RARB: variants seen among roughly 807,000 people sequenced by gnomAD.
RARB encodes the protein HBV-activated protein.
RARB carries 17 observed loss-of-function variants against 51.9 expected under a neutral mutation model. That is an observed-to-expected ratio of 0.33 (90% CI 0.22 to 0.49). The LOEUF is 0.49. Among genes scored for constraint, RARB ranks in the 20% least tolerant of loss-of-function variants. The probability of loss-of-function intolerance (pLI) is 0.99; values close to 1 mark genes in which losing one functional copy is unlikely to be tolerated. For missense variants in RARB, 369 were observed against 550.8 expected (o/e 0.67, Z 3.30); for synonymous variants, 215 against 195.4 (o/e 1.10, Z -0.84).
intron 5 of RARB, among the ~76,000 whole-genome samples, chr3:25,413,006 C>T (rs756931865): frequency 2.0e-5 from 3 of 148,584 alleles, no homozygotes; most frequent in Non-Finnish European, 3.0e-5. Flanking sequence ...GCAACAAGAG[C>T]AAAATTCCAT....
intron 1 of RARB, among the ~76,000 whole-genome samples, chr3:24,845,143 T>G (rs907466124): frequency 1.3e-5 from 2 of 152,192 alleles, no homozygotes; most frequent in Non-Finnish European, 2.9e-5. Context: ...CTAACCTAGG[T>G]GGAATCATTA....
intron 5 of RARB, among the ~76,000 whole-genome samples, chr3:25,398,741 A>G (rs1707183829): frequency 6.6e-6 from 1 of 152,218 alleles, no homozygotes; most frequent in Admixed American, 6.5e-5. Flanking sequence ...ACATTCTACC[A>G]TATTCCATTA....
At chr3:25,013,649 A>G (rs1218820563) in intron 2 of RARB, among the ~76,000 whole-genome samples, 1 of 152,036 alleles carries the variant, frequency 6.6e-6, no homozygotes, top group East Asian at 1.9e-4. Context: ...AGGATAGGAT[A>G]ATCAAGGACA....
At chr3:25,222,540 C>T (rs1701969626) in intron 5 of RARB, among the ~76,000 whole-genome samples, 1 of 151,652 alleles carries the variant, frequency 6.6e-6, no homozygotes, top group East Asian at 1.9e-4. Flanking sequence ...GATGCCACTC[C>T]AATAAATAGA....
intron 4 of RARB, among the ~76,000 whole-genome samples, chr3:25,149,823 G>A (rs11129188): frequency 0.6 from 90,765 of 152,070 alleles, 27,545 homozygotes; most frequent in East Asian, 0.73. Context: ...TACTCCTCAC[G>A]AGAGCAGAAG....
intron 1 of RARB, among the ~76,000 whole-genome samples, chr3:25,439,494 C>G (rs1256657971): frequency 1.3e-5 from 2 of 152,160 alleles, no homozygotes; most frequent in South Asian, 2.1e-4. Context: ...CAGCCTCAAC[C>G]TGCTGGGCTG....
chr3:25,374,941 CT>C (rs1186177140), intron 5 of RARB, among the ~76,000 whole-genome samples: 1 of 152,026 alleles, frequency 6.6e-6, no homozygotes, highest in Non-Finnish European at 1.5e-5. Context: ...TTTTTCCTTC[CT>C]TTTTTTCTTG....
chr3:24,964,231 T>C (rs1696206707), intron 2 of RARB, among the ~76,000 whole-genome samples: 1 of 152,176 alleles, frequency 6.6e-6, no homozygotes, highest in Admixed American at 6.5e-5. Context: ...AATTTGGTTA[T>C]ATAAAGGCTA....
At chr3:25,199,421 T>A (rs951992420) in intron 5 of RARB, among the ~76,000 whole-genome samples, 1 of 152,104 alleles carries the variant, frequency 6.6e-6, no homozygotes, top group Non-Finnish European at 1.5e-5. Context: ...CAACAATAAT[T>A]GTACATTTAA....
At chr3:25,209,452 A>T (rs944629769) in intron 5 of RARB, among the ~76,000 whole-genome samples, 1 of 152,224 alleles carries the variant, frequency 6.6e-6, no homozygotes, top group Non-Finnish European at 1.5e-5. Context: ...ATGAGTTCAT[A>T]CTTCATGTCC....
intron 5 of RARB, among the ~76,000 whole-genome samples, chr3:25,245,442 C>T (rs191124408): frequency 3.3e-5 from 5 of 152,148 alleles, no homozygotes; most frequent in South Asian, 2.1e-4. Context: ...TGGCTGGTAC[C>T]GGTTTTTCCT....
Position 25,580,678 on chromosome 3 carries a change from G to T in RARB, c.742G>T (p.Ala248Ser), listed in dbSNP as rs773216330. The T allele has an allele frequency of 3.1e-6, 5 of 1,611,114 alleles. No individual in the cohort carries two copies. The highest frequency in any genetic ancestry group is 4.2e-6 in the Non-Finnish European group (5 of 1,177,768). Reference protein sequence around the residue: ...RLPGFTGLTIADQITLLKAAC... With the variant: ...RLPGFTGLTISDQITLLKAAC... Reference sequence around the variant, plus strand: ...GCCTGGTTTCACTGGCTTGACCATCGCAGACCAAATTACCCTGCTGAAGGC... The same window carrying T: ...GCCTGGTTTCACTGGCTTGACCATCTCAGACCAAATTACCCTGCTGAAGGC... The change falls in exon 5 of 8, where the codon GCA (alanine) becomes TCA (serine). Residue 248 changes from alanine (A) to serine (S), a missense_variant. Around this residue, in one of 9 missense-constraint regions of RARB, gnomAD observed 49 missense variants for 103.4 expected, o/e 0.47. Coordinates refer to ENST00000330688, the MANE Select transcript of RARB (RefSeq NM_000965.5).
At chr3:24,879,484 ATTT>A (rs11417502) in intron 2 of RARB, among the ~76,000 whole-genome samples, 7 of 121,456 alleles carry the variant, frequency 5.8e-5, no homozygotes, top group African/African-American at 2.2e-4. Flanking sequence ...AAGGATCTCC[ATTT>A]TTTTTTTTTT....
chr3:25,537,950 G>T (rs1699210967), intron 3 of RARB, among the ~76,000 whole-genome samples: 1 of 152,146 alleles, frequency 6.6e-6, no homozygotes, highest in African/African-American at 2.4e-5. Flanking sequence ...CTACTTTACT[G>T]AGTTAACTCT....
intron 5 of RARB, among the ~76,000 whole-genome samples, chr3:25,294,158 C>A (rs1222169364): frequency 6.6e-6 from 1 of 152,014 alleles, no homozygotes; most frequent in Non-Finnish European, 1.5e-5. Context: ...TCAGCATAAT[C>A]AAAAAACCAA....
chr3:24,965,183 T>C (rs746529077), intron 2 of RARB, among the ~76,000 whole-genome samples: 2 of 152,210 alleles, frequency 1.3e-5, no homozygotes, highest in Admixed American at 6.5e-5. Flanking sequence ...GGAGTTCTTA[T>C]ATTTTCCCAC....
At chr3:25,137,214 C>G (rs1700042758) in intron 4 of RARB, among the ~76,000 whole-genome samples, 1 of 151,812 alleles carries the variant, frequency 6.6e-6, no homozygotes, top group African/African-American at 2.4e-5. Flanking sequence ...CCTTATACAT[C>G]CAAAGAAAAA....
At chr3:25,318,256 T>G (rs1407914192) in intron 5 of RARB, among the ~76,000 whole-genome samples, 1 of 152,210 alleles carries the variant, frequency 6.6e-6, no homozygotes, top group African/African-American at 2.4e-5. Flanking sequence ...TAGTGCAGTT[T>G]TAGGTTAAGC....
intron 3 of RARB, among the ~76,000 whole-genome samples, chr3:25,089,103 G>T (rs1205406991): frequency 6.6e-6 from 1 of 151,880 alleles, no homozygotes; most frequent in Admixed American, 6.6e-5. Context: ...AGTAATTAGA[G>T]ATTCTTCTCA....
Sources: gnomAD v4.1 joint callset for allele counts (sites outside exome capture counted in the v4.1 genomes callset) on GRCh38, gnomAD v4.1.1 for gene constraint, gnomAD v4.1.1 regional missense constraint, MANE v1.5 for transcripts, NCBI Gene and HGNC (gene_info 2026-07-23, HGNC 2026-07-21) for gene names.